Variants in DZANK1 observed in about 807,000 individuals in gnomAD.
The protein encoded by DZANK1 is double zinc ribbon and ankyrin repeat domains 1.
DZANK1 carries 91 observed loss-of-function variants against 94.5 expected under a neutral mutation model. That is an observed-to-expected ratio of 0.96 (90% CI 0.81 to 1.15). The LOEUF is 1.15. Among genes scored for constraint, DZANK1 ranks in the 50% most tolerant of loss-of-function variants. DZANK1 has a pLI of 0.00. For synonymous variants in DZANK1, 312 were observed against 325.3 expected, an observed-to-expected ratio of 0.96 and a Z score of 0.44; for missense variants, 903 against 916.4, an observed-to-expected ratio of 0.99 and a Z score of 0.19.
intron 2 of DZANK1, among the ~76,000 whole-genome samples, chr20:18,460,652 C>T (rs1425115664): frequency 6.6e-6 from 1 of 152,070 alleles, no homozygotes; most frequent in African/African-American, 2.4e-5. Flanking sequence ...TTGCCAGAAA[C>T]CGGGACGCAG....
chr20:18,425,318 C>T (rs1014117522), intron 10 of DZANK1, among the ~76,000 whole-genome samples: 4 of 152,076 alleles, frequency 2.6e-5, no homozygotes, highest in Non-Finnish European at 4.4e-5. Context: ...TTTGTGGGGC[C>T]GAGTTGGGCG....
At chr20:18,425,485 A>G (rs985215424) in intron 10 of DZANK1, among the ~76,000 whole-genome samples, 2 of 151,220 alleles carry the variant, frequency 1.3e-5, no homozygotes, top group African/African-American at 2.4e-5. Flanking sequence ...AGGGAGGCGG[A>G]GGTTGCAGTG....
chr20:18,428,132 C>T (rs1256681629), intron 9 of DZANK1, among the ~76,000 whole-genome samples: 1 of 141,762 alleles, frequency 7.1e-6, no homozygotes, highest in Non-Finnish European at 1.5e-5. Context: ...GCCTGGGTGA[C>T]AGAGCAAGAC....
intron 10 of DZANK1, among the ~76,000 whole-genome samples, chr20:18,418,081 G>A (rs540741639): frequency 6.6e-6 from 1 of 151,730 alleles, no homozygotes; most frequent in East Asian, 1.9e-4. Flanking sequence ...GCATGACTCT[G>A]TCTCAAAAAA....
intron 19 of DZANK1, among the ~76,000 whole-genome samples, chr20:18,388,005 A>G (rs1188469483): frequency 4.6e-5 from 7 of 152,224 alleles, no homozygotes; most frequent in Admixed American, 1.3e-4. Flanking sequence ...CTGGGTCTAC[A>G]GAGGTCCAGC....
intron 9 of DZANK1, among the ~76,000 whole-genome samples, chr20:18,430,029 A>G (rs2058219810): frequency 6.6e-6 from 1 of 152,350 alleles, no homozygotes; most frequent in African/African-American, 2.4e-5. Context: ...TGAATAGTTG[A>G]ATGATTCTAA....
chr20:18,400,289 T>C (rs997184433), intron 13 of DZANK1, among the ~76,000 whole-genome samples: 4 of 152,148 alleles, frequency 2.6e-5, no homozygotes, highest in African/African-American at 9.7e-5. Context: ...TGTTAAAAAC[T>C]AGTTAATACC....
chr20:18,411,261 CAA>C (rs1600836844), intron 13 of DZANK1, among the ~76,000 whole-genome samples: 1 of 151,540 alleles, frequency 6.6e-6, no homozygotes, highest in East Asian at 1.9e-4. Context: ...TAAGATTGAC[CAA>C]AAAAAGTGAC....
chr20:18,393,669 G>C (rs372677065), intron 17 of DZANK1, 42 bp downstream of exon 17: 25 of 1,293,154 alleles, frequency 1.9e-5, no homozygotes, highest in Non-Finnish European at 2.7e-5. Flanking sequence ...GAAAATCACA[G>C]GCTGAAGACA....
intron 8 of DZANK1, among the ~76,000 whole-genome samples, chr20:18,435,271 C>T (rs2058474838): frequency 6.6e-6 from 1 of 152,176 alleles, no homozygotes; most frequent in Non-Finnish European, 1.5e-5. Flanking sequence ...CAAAGGTAAA[C>T]ATCAGGCTTA....
intron 6 of DZANK1, among the ~76,000 whole-genome samples, chr20:18,451,600 C>T (rs1901783579): frequency 2.0e-5 from 3 of 152,154 alleles, no homozygotes; most frequent in Admixed American, 2.0e-4. Context: ...TGACCTCTCC[C>T]ATATGTGAAC....
At chr20:18,397,542 A>G (rs2056412150) in intron 14 of DZANK1, among the ~76,000 whole-genome samples, 2 of 152,178 alleles carry the variant, frequency 1.3e-5, no homozygotes, top group Admixed American at 1.3e-4. Flanking sequence ...CTGGGTGTCA[A>G]ATAAGGCTTC....
chr20:18,399,870 C>T (rs1410823198), intron 13 of DZANK1, among the ~76,000 whole-genome samples: 1 of 152,184 alleles, frequency 6.6e-6, no homozygotes, highest in Non-Finnish European at 1.5e-5. Flanking sequence ...GGCCACTTGA[C>T]TCTGCAAACC....
chr20:18,417,033 A>C (rs919651460), intron 10 of DZANK1, among the ~76,000 whole-genome samples: 2 of 92,464 alleles, frequency 2.2e-5, no homozygotes, highest in African/African-American at 3.7e-5. Context: ...ACAAAAAAAA[A>C]CAAAAAAAAA....
chr20:18,447,928 G>A (rs1399081572), intron 7 of DZANK1, among the ~76,000 whole-genome samples: 2 of 152,080 alleles, frequency 1.3e-5, no homozygotes, highest in Non-Finnish European at 2.9e-5. Flanking sequence ...CCTCTTCAAG[G>A]TATTTGCCCC....
intron 10 of DZANK1, among the ~76,000 whole-genome samples, chr20:18,417,821 C>T (rs554331087): frequency 6.6e-6 from 1 of 152,216 alleles, no homozygotes; most frequent in South Asian, 2.1e-4. Flanking sequence ...TGTGGTGGCT[C>T]ACACCTGTAA....
At chr20:18,415,511 A>G (rs2057450660) in intron 10 of DZANK1, 62 bp from the exon 11 acceptor site, 2 of 1,317,322 alleles carry the variant, frequency 1.5e-6, no homozygotes, top group Non-Finnish European at 2.0e-6. Flanking sequence ...CCCCCTCCCA[A>G]TTCAAAAAAG....
intron 10 of DZANK1, chr20:18,420,909 A>G (rs1369689303): frequency 6.5e-6 from 1 of 154,176 alleles, no homozygotes; most frequent in African/African-American, 2.4e-5. Flanking sequence ...TCTCCAACTG[A>G]CAGGCCACAA....
chr20:18,387,167 G>A (rs1213325566), intron 19 of DZANK1, among the ~76,000 whole-genome samples: 1 of 152,150 alleles, frequency 6.6e-6, no homozygotes, highest in Non-Finnish European at 1.5e-5. Flanking sequence ...TATATTCATA[G>A]GGTTGCCGCA....
Sources: allele counts gnomAD v4.1 joint callset (sites outside exome capture counted in the v4.1 genomes callset), GRCh38; gene constraint gnomAD v4.1.1; transcripts MANE v1.5; gene names NCBI Gene and HGNC (gene_info 2026-07-23, HGNC 2026-07-21).